Variants in PCP4 observed in about 807,000 individuals in gnomAD.
PCP4 encodes calmodulin regulator protein PCP4.
A neutral mutation model predicts 10.0 loss-of-function variants in PCP4; 8 were observed. The ratio of observed to expected loss-of-function variants is 0.80; its 90% CI spans 0.47 to 1.45. The LOEUF is 1.45. Among genes scored for constraint, PCP4 ranks in the 40% most tolerant of loss-of-function variants. The probability of loss-of-function intolerance (pLI) is 0.00; values close to 1 mark genes in which losing one functional copy is unlikely to be tolerated. For missense variants in PCP4, 54 were observed against 74.4 expected (o/e 0.73, Z 1.01); for synonymous variants, 21 against 23.0 (o/e 0.91, Z 0.24).
At chr21:39,900,135 A>G (rs9981062) in intron 2 of PCP4, among the ~76,000 whole-genome samples, 3,541 of 152,196 alleles carry the variant, frequency 0.023, 62 homozygotes, top group Non-Finnish European at 0.031. Flanking sequence ...CCAGGGTTCA[A>G]GTGATTCTCC....
intron 2 of PCP4, among the ~76,000 whole-genome samples, chr21:39,925,473 G>T (rs574051627): frequency 1.9e-3 from 294 of 152,342 alleles, no homozygotes; most frequent in Non-Finnish European, 3.0e-3. Context: ...TAAGCTGTTG[G>T]AACAAGGCGG....
intron 1 of PCP4, among the ~76,000 whole-genome samples, chr21:39,877,980 C>CA (rs757793459): frequency 2.0e-5 from 3 of 151,432 alleles, no homozygotes; most frequent in Non-Finnish European, 4.4e-5. Flanking sequence ...AGTCACATTT[C>CA]TTTTTTTCTT....
At chr21:39,889,064 C>T (rs1193441239) in intron 1 of PCP4, among the ~76,000 whole-genome samples, 1 of 152,182 alleles carries the variant, frequency 6.6e-6, no homozygotes, top group Non-Finnish European at 1.5e-5. Context: ...GGCTTGATCA[C>T]GGGGCCGAGA....
At chr21:39,915,242 AT>A (rs1484466990) in intron 2 of PCP4, among the ~76,000 whole-genome samples, 1 of 148,340 alleles carries the variant, frequency 6.7e-6, no homozygotes, top group Non-Finnish European at 1.5e-5. Flanking sequence ...AAAAAAAAAA[AT>A]CTCTGGGATT....
Position 39,902,493 on chromosome 21 carries a change from T to C in PCP4, c.61+3966T>C, listed in dbSNP as rs926700838. Among the ~76,000 whole-genome samples the C allele has an allele frequency of 1.7e-4, 26 of 152,336 alleles. 2 individuals are homozygous for C. Among genetic ancestry groups the C allele is most frequent in the Admixed American group, 9.8e-4 (15 of 15,302 alleles). ...GAATATTATCTTGAGAGCACCATTT[T>C]CTGGGAATGAAATTTCTCATACATT... On this transcript the variant is annotated intron_variant, in intron 2 of 2. Transcript: ENST00000328619.
At chr21:39,884,892 G>A (rs1169087727) in intron 1 of PCP4, among the ~76,000 whole-genome samples, 1 of 151,954 alleles carries the variant, frequency 6.6e-6, no homozygotes, top group Non-Finnish European at 1.5e-5. Flanking sequence ...TCTACCCTTG[G>A]CCCTAGAGCC....
intron 1 of PCP4, among the ~76,000 whole-genome samples, chr21:39,871,052 C>A (rs376106460): frequency 6.6e-6 from 1 of 152,136 alleles, no homozygotes; most frequent in Non-Finnish European, 1.5e-5. Context: ...TTAATGTATA[C>A]GTTAAAACGT....
intron 2 of PCP4, among the ~76,000 whole-genome samples, chr21:39,922,681 C>T (rs2087602063): frequency 6.6e-6 from 1 of 152,148 alleles, no homozygotes; most frequent in Admixed American, 6.5e-5. Flanking sequence ...GAGGGAAAAG[C>T]CTCATTGCCT....
intron 1 of PCP4, among the ~76,000 whole-genome samples, chr21:39,886,850 A>C (rs1182210190): frequency 6.6e-6 from 1 of 152,242 alleles, no homozygotes; most frequent in African/African-American, 2.4e-5. Context: ...CTATAAGAAG[A>C]TGAAAAGAAA....
At chr21:39,889,547 G>T (rs1407529448) in intron 1 of PCP4, among the ~76,000 whole-genome samples, 2 of 148,894 alleles carry the variant, frequency 1.3e-5, no homozygotes, top group Non-Finnish European at 3.0e-5. Flanking sequence ...CTCCTGAGTA[G>T]CTGGGACTAC....
At chr21:39,872,022 G>A (rs888800660) in intron 1 of PCP4, among the ~76,000 whole-genome samples, 1 of 152,110 alleles carries the variant, frequency 6.6e-6, no homozygotes, top group African/African-American at 2.4e-5. Context: ...TATTTGAGAT[G>A]GAGTCTCTCT....
At chr21:39,882,713 T>G (rs569839984) in intron 1 of PCP4, among the ~76,000 whole-genome samples, 4 of 152,322 alleles carry the variant, frequency 2.6e-5, no homozygotes, top group African/African-American at 9.6e-5. Flanking sequence ...CTGTTGGTTT[T>G]TCCCCTAATC....
At chr21:39,918,579 A>G (rs566126425) in intron 2 of PCP4, among the ~76,000 whole-genome samples, 14 of 152,344 alleles carry the variant, frequency 9.2e-5, no homozygotes, top group African/African-American at 3.4e-4. Flanking sequence ...AACTTGGTAA[A>G]TGGAAAGCTA....
At chr21:39,877,472 A>G (rs1453189813) in intron 1 of PCP4, among the ~76,000 whole-genome samples, 2 of 151,842 alleles carry the variant, frequency 1.3e-5, no homozygotes, top group African/African-American at 2.4e-5. Context: ...GGATTGGTTA[A>G]GCCCAGGAGT....
At chr21:39,922,628 A>AAT (rs2087601686) in intron 2 of PCP4, among the ~76,000 whole-genome samples, 1 of 152,180 alleles carries the variant, frequency 6.6e-6, no homozygotes, top group African/African-American at 2.4e-5. Flanking sequence ...CCATTGGCAG[A>AAT]GCTCTGTGTC....
intron 1 of PCP4, among the ~76,000 whole-genome samples, chr21:39,879,345 T>A (rs1003173459): frequency 6.6e-6 from 1 of 152,156 alleles, no homozygotes; most frequent in African/African-American, 2.4e-5. Flanking sequence ...ACCAAATACC[T>A]CCTTCAAGTT....
chr21:39,871,253 C>T (rs1451973515), intron 1 of PCP4, among the ~76,000 whole-genome samples: 1 of 152,206 alleles, frequency 6.6e-6, no homozygotes, highest in Non-Finnish European at 1.5e-5. Context: ...AGTTGACTCT[C>T]ACGATTGCCC....
intron 2 of PCP4, among the ~76,000 whole-genome samples, chr21:39,903,868 AAAAAAAAC>A (rs1395715589): frequency 9.2e-5 from 11 of 120,026 alleles, no homozygotes; most frequent in African/African-American, 2.9e-4. Flanking sequence ...ACTCCGTCTC[AAAAAAAAC>A]AAAAAAAAAA....
At chr21:39,880,388 A>G (rs1181355792) in intron 1 of PCP4, among the ~76,000 whole-genome samples, 1 of 152,154 alleles carries the variant, frequency 6.6e-6, no homozygotes, top group Non-Finnish European at 1.5e-5. Flanking sequence ...GACTCTTTTG[A>G]TGATGAAGTA....
Sources: allele counts gnomAD v4.1 joint callset (sites outside exome capture counted in the v4.1 genomes callset), GRCh38; gene constraint gnomAD v4.1.1; transcripts MANE v1.5; gene names NCBI Gene and HGNC (gene_info 2026-07-23, HGNC 2026-07-21).